Variants in RAB38 observed in about 807,000 individuals in gnomAD.
RAB38 encodes the protein RAB38, member RAS oncogene family.
A neutral mutation model predicts 18.4 loss-of-function variants in RAB38; 15 were observed. The ratio of observed to expected loss-of-function variants is 0.82; its 90% CI spans 0.55 to 1.26. The LOEUF is 1.26. Ranked by LOEUF, RAB38 falls within the 50% of genes most tolerant of loss-of-function variation. The pLI is 0.00. For synonymous variants in RAB38, 101 were observed against 104.4 expected, an observed-to-expected ratio of 0.97 and a Z score of 0.20; for missense variants, 294 against 267.4, an observed-to-expected ratio of 1.10 and a Z score of -0.69.
chr11:88,080,853 A>G, the RAB38 span, among the ~76,000 whole-genome samples: 54 of 135,710 alleles, frequency 4.0e-4, no homozygotes, highest in African/African-American at 1.3e-3. Context: ...GAAGGAAGGA[A>G]GGAGGGAGGG....
the RAB38 span, chr11:87,815,183 G>C: frequency 3.3e-5 from 5 of 152,216 alleles, no homozygotes; most frequent in East Asian, 9.6e-4. Context: ...CAGCCACTAA[G>C]ATCCAGAAAA....
chr11:87,854,484 C>T, the RAB38 span, among the ~76,000 whole-genome samples: 1 of 152,064 alleles, frequency 6.6e-6, no homozygotes, highest in Non-Finnish European at 1.5e-5. Flanking sequence ...CCACTCTTAA[C>T]ACATAAAGAT....
the RAB38 span, among the ~76,000 whole-genome samples, chr11:87,902,695 G>C: frequency 4.0e-5 from 6 of 151,338 alleles, no homozygotes; most frequent in Admixed American, 4.0e-4. Context: ...AATTCTCTCA[G>C]CAATATGTTA....
the RAB38 span, among the ~76,000 whole-genome samples, chr11:88,015,286 T>A: frequency 1.3e-5 from 2 of 152,176 alleles, no homozygotes; most frequent in African/African-American, 4.8e-5. Context: ...TGAGCAGTCT[T>A]ACAGGTGGAG....
the RAB38 span, among the ~76,000 whole-genome samples, chr11:87,895,036 C>T: frequency 4.6e-5 from 7 of 151,462 alleles, no homozygotes; most frequent in Non-Finnish European, 7.4e-5. Flanking sequence ...CCCTCTGGTC[C>T]CATTTTGTAG....
chr11:88,074,267 T>C, the RAB38 span, among the ~76,000 whole-genome samples: 1 of 152,168 alleles, frequency 6.6e-6, no homozygotes, highest in Non-Finnish European at 1.5e-5. Flanking sequence ...ACCTGTGATG[T>C]GAAATACACC....
At chr11:88,007,284 T>G in the RAB38 span, among the ~76,000 whole-genome samples, 14 of 151,916 alleles carry the variant, frequency 9.2e-5, no homozygotes, top group Non-Finnish European at 2.1e-4. Flanking sequence ...AAGAATTAAT[T>G]TTTCTCATTC....
chr11:88,049,692 T>C, the RAB38 span, among the ~76,000 whole-genome samples: 8 of 152,272 alleles, frequency 5.3e-5, no homozygotes, highest in African/African-American at 1.4e-4. Context: ...TCCCCTCTCC[T>C]CCTGCTCTTT....
the RAB38 span, among the ~76,000 whole-genome samples, chr11:87,955,832 TAGTG>T: frequency 3.2e-4 from 49 of 151,440 alleles, no homozygotes; most frequent in Non-Finnish European, 5.7e-4. Context: ...CATAACTCAT[TAGTG>T]AGTGATAAAA....
chr11:88,011,635 A>T, the RAB38 span, among the ~76,000 whole-genome samples: 2 of 152,234 alleles, frequency 1.3e-5, no homozygotes, highest in Non-Finnish European at 1.5e-5. Context: ...AGCAGGGCTC[A>T]TCTTGATAGT....
chr11:88,154,784 C>A (rs1282963198), intron 1 of RAB38, among the ~76,000 whole-genome samples: 1 of 152,232 alleles, frequency 6.6e-6, no homozygotes, highest in Non-Finnish European at 1.5e-5. Context: ...CAGGGCAGAT[C>A]TCTGGGCATT....
At chr11:88,164,638 T>A (rs75907009) in intron 1 of RAB38, among the ~76,000 whole-genome samples, 37,797 of 151,966 alleles carry the variant, frequency 0.25, 4,719 homozygotes, top group Admixed American at 0.27. Context: ...CGTTCTCTTT[T>A]TTTTTCTTAT....
intron 1 of RAB38, among the ~76,000 whole-genome samples, chr11:88,150,831 G>A (rs1045419357): frequency 2.0e-5 from 3 of 152,020 alleles, no homozygotes; most frequent in Non-Finnish European, 4.4e-5. Context: ...TCTCTCTTCC[G>A]CAGGCTTAGA....
the RAB38 span, among the ~76,000 whole-genome samples, chr11:88,025,343 T>TG: frequency 4.0e-5 from 6 of 151,722 alleles, no homozygotes; most frequent in African/African-American, 1.5e-4. Context: ...GATGAACACA[T>TG]GAGTGCATGT....
the RAB38 span, among the ~76,000 whole-genome samples, chr11:88,043,033 C>A: frequency 1.4e-5 from 1 of 71,896 alleles, no homozygotes; most frequent in Non-Finnish European, 2.6e-5. Context: ...GAGCAATAAA[C>A]TAATTTCCTT....
intron 2 of RAB38, among the ~76,000 whole-genome samples, chr11:88,129,420 C>G (rs1942741232): frequency 6.6e-6 from 1 of 152,118 alleles, no homozygotes; most frequent in Admixed American, 6.5e-5. Flanking sequence ...GTGGGCGGAT[C>G]ACTTGAGGTC....
the RAB38 span, among the ~76,000 whole-genome samples, chr11:87,825,099 A>G: frequency 4.6e-5 from 7 of 152,176 alleles, no homozygotes; most frequent in African/African-American, 1.7e-4. Context: ...GCTAGAAGGC[A>G]ATGGAGCCTT....
the RAB38 span, among the ~76,000 whole-genome samples, chr11:87,923,761 G>A: frequency 6.6e-6 from 1 of 151,850 alleles, no homozygotes; most frequent in African/African-American, 2.4e-5. Flanking sequence ...CACCTGCTCT[G>A]AGCAAGGCAC....
the RAB38 span, among the ~76,000 whole-genome samples, chr11:87,966,662 C>T: frequency 6.6e-6 from 1 of 152,104 alleles, no homozygotes; most frequent in African/African-American, 2.4e-5. Context: ...GACAAGGTAC[C>T]AGATGACTGG....
Sources: allele counts gnomAD v4.1 joint callset (sites outside exome capture counted in the v4.1 genomes callset), GRCh38; gene constraint gnomAD v4.1.1; transcripts MANE v1.5; gene names NCBI Gene and HGNC (gene_info 2026-07-23, HGNC 2026-07-21).